The following ZBTB46 variants were observed in gnomAD, a reference collection of about 807,000 sequenced individuals.
ZBTB46 encodes the protein zinc finger and BTB domain containing 46.
Under a neutral mutation model 44.1 loss-of-function variants are expected in ZBTB46, and 8 were observed. The observed-to-expected ratio is 0.18, with a 90% CI of 0.11 to 0.33. The LOEUF (loss-of-function observed/expected upper bound fraction) is 0.33. ZBTB46 is among the 10% of genes least tolerant of loss of function. The pLI is 1.00. For synonymous variants in ZBTB46, 409 were observed against 382.3 expected (o/e 1.07, Z -0.81); for missense variants, 651 against 847.7 (o/e 0.77, Z 2.88).
In ZBTB46 at chr20:63,757,002, G is replaced by A. The variant is rs528953690; in HGVS notation, c.1223-4141C>T. Among the ~76,000 whole-genome samples the A allele has an allele frequency of 1.3e-3, 199 of 152,222 alleles. 1 individual carries two copies. Among genetic ancestry groups the A allele is most frequent in the Admixed American group, 3.1e-3 (47 of 15,300 alleles). ...CTGTTGGGCATGCCCTGGCGGGGAA[G>A]GGGGGCTTCTGGACCACAGGGTGTT... On this transcript the variant is annotated intron_variant, in intron 3 of 4. Coordinates refer to ENST00000245663, the MANE Select transcript of ZBTB46 (RefSeq NM_001369741.1).
At chr20:63,828,286 C>G (rs1412432117) in intron 1 of ZBTB46, among the ~76,000 whole-genome samples, 1 of 152,256 alleles carries the variant, frequency 6.6e-6, no homozygotes, top group African/African-American at 2.4e-5. Context: ...CCCCAGCACT[C>G]CGCACAAGTT....
intron 2 of ZBTB46, among the ~76,000 whole-genome samples, chr20:63,780,447 C>G (rs1365448745): frequency 6.6e-6 from 1 of 152,120 alleles, no homozygotes; most frequent in Admixed American, 6.6e-5. Context: ...AAAAAACCAA[C>G]TTGAATCATG....
chr20:63,797,197 C>T (rs952082413), intron 1 of ZBTB46, among the ~76,000 whole-genome samples: 1 of 147,544 alleles, frequency 6.8e-6, no homozygotes, highest in Non-Finnish European at 1.5e-5. Context: ...GTTCCCCACC[C>T]TGTGTCCAAG....
At chr20:63,764,054 G>A (rs1168553643) in intron 3 of ZBTB46, among the ~76,000 whole-genome samples, 4 of 151,218 alleles carry the variant, frequency 2.6e-5, no homozygotes, top group African/African-American at 4.9e-5. Context: ...CACCAGCCTC[G>A]ACCTCCTGGG....
Position 63,775,778 on chromosome 20 carries a change from G to C in ZBTB46, c.1122C>G (p.Leu374=), listed in dbSNP as rs994543290. 5 of 1,613,216 alleles carry C rather than the reference G, an allele frequency of 3.1e-6. No individual in the cohort carries two copies. The highest frequency in any genetic ancestry group is 3.4e-6 in the Non-Finnish European group (4 of 1,179,908). The change falls in exon 3 of 5, where the codon CTC becomes CTG. Residue 374 remains leucine (L), a synonymous_variant. Transcript: ENST00000245663. The stretch of plus-strand genomic sequence containing the variant: ...GCGACAGCAGGCTGTTCTTACTCAT[G>C]AGCGCCGCGCGCAGGTTGGCCACCG... ...ATAVANLRAA[L]MSKNSLLSLK... is the part of the protein sequence containing the mutation.
chr20:63,830,719 G>C (rs890450738), intron 1 of ZBTB46, among the ~76,000 whole-genome samples: 2 of 148,754 alleles, frequency 1.3e-5, no homozygotes, highest in African/African-American at 2.4e-5. Flanking sequence ...TTCCCCTCTC[G>C]GAGGTGCCGG....
At chr20:63,782,280 A>G (rs2092477369) in intron 2 of ZBTB46, among the ~76,000 whole-genome samples, 1 of 152,044 alleles carries the variant, frequency 6.6e-6, no homozygotes, top group Non-Finnish European at 1.5e-5. Flanking sequence ...TGAGTCCTGG[A>G]TGAGCCACGT....
rs2092084388 is a variant in ZBTB46, at chr20:63,745,935, A to G, written c.*995T>C. ...TCGAGTGAGAAAAATAATGCCAAAC[A>G]AAATAATTTTATGTAACTACCTCGA... On this transcript the variant is annotated 3_prime_UTR_variant, in exon 5 of 5. Transcript: ENST00000245663. 6.6e-6 allele frequency: 1 copy of G among 152,666 alleles called. No homozygotes were observed. Among genetic ancestry groups the G allele is most frequent in the African/African-American group, 2.4e-5 (1 of 41,478 alleles). The allele number at this position is 152,666 out of a possible 1,614,324, so 9.5% of individuals were successfully genotyped here.
intron 1 of ZBTB46, among the ~76,000 whole-genome samples, chr20:63,800,116 G>T (rs1291966457): frequency 6.6e-6 from 1 of 152,166 alleles, no homozygotes; most frequent in Non-Finnish European, 1.5e-5. Context: ...GCACAAGAAG[G>T]GGCTGCTGGG....
intron 1 of ZBTB46, among the ~76,000 whole-genome samples, chr20:63,800,743 T>G (rs998048637): frequency 6.6e-6 from 1 of 152,214 alleles, no homozygotes; most frequent in Non-Finnish European, 1.5e-5. Context: ...GCGCTGTGCT[T>G]GATTTCTCGC....
chr20:63,752,674 C>G lies in ZBTB46; in HGVS notation c.1398+12G>C. 6.4e-7 allele frequency: 1 copy of G among 1,557,472 alleles called. No individual in the cohort carries two copies. Among genetic ancestry groups the G allele is most frequent in the Non-Finnish European group, 8.7e-7 (1 of 1,153,558 alleles). On this transcript the variant is annotated intron_variant, in intron 4 of 4. Transcript: ENST00000245663. This position sits in a 1 kb window ranked among gnomAD's most constrained non-coding sequence, Gnocchi z 5.6. The stretch of plus-strand genomic sequence containing the variant: ...GCGCAGCGCGCGGCACGCGGACCCT[C>G]CCCGCACTCACCAGCGTGTGGCGCT...
intron 1 of ZBTB46, among the ~76,000 whole-genome samples, chr20:63,802,681 G>T (rs998624918): frequency 4.2e-5 from 6 of 143,434 alleles, no homozygotes; most frequent in African/African-American, 1.6e-4. Flanking sequence ...ACCCTCCCAG[G>T]AACCGCCGCG....
intron 1 of ZBTB46, among the ~76,000 whole-genome samples, chr20:63,817,368 G>A (rs1334253602): frequency 6.6e-6 from 1 of 151,680 alleles, no homozygotes; most frequent in East Asian, 1.9e-4. Context: ...TTGTGCCACT[G>A]TACTCCAGCC....
intron 3 of ZBTB46, among the ~76,000 whole-genome samples, chr20:63,755,044 A>AT (rs34070656): frequency 1.3e-5 from 2 of 152,180 alleles, no homozygotes; most frequent in Non-Finnish European, 2.9e-5. Context: ...GAAACCCTGT[A>AT]TTTTTTTACC....
intron 3 of ZBTB46, among the ~76,000 whole-genome samples, chr20:63,756,217 T>C (rs565270088): frequency 6.6e-6 from 1 of 152,358 alleles, no homozygotes; most frequent in South Asian, 2.1e-4. Context: ...GGACCTGTCC[T>C]AAATAGCCAC....
intron 1 of ZBTB46, among the ~76,000 whole-genome samples, chr20:63,817,486 G>A (rs1449435139): frequency 6.6e-6 from 1 of 151,924 alleles, no homozygotes; most frequent in East Asian, 1.9e-4. Context: ...AGGCCAAGGT[G>A]GGCGGATCAC....
intron 3 of ZBTB46, chr20:63,775,111 C>T (rs1290896491): frequency 6.6e-6 from 1 of 152,454 alleles, no homozygotes; most frequent in African/African-American, 2.4e-5. Context: ...GGCCACATCT[C>T]GGCAGGCGCG....
At position 63,767,071 on chromosome 20, in the gene ZBTB46, G is replaced by A. The variant is rs538311126; in HGVS notation, c.1222+8607C>T. The stretch of plus-strand genomic sequence containing the variant: ...TGAACCTAACACGTCCGACGAGGAC[G>A]GGCAAGGGCACCGCGGGGCGCTCTT... On this transcript the variant is annotated intron_variant, in intron 3 of 4. Transcript: ENST00000245663. The surrounding 1 kb of genome is among the most constrained non-coding windows in gnomAD (Gnocchi z 5.0). Among the ~76,000 whole-genome samples, 6 of 152,356 alleles carry A rather than the reference G, an allele frequency of 3.9e-5. No individual in the cohort carries two copies. The highest frequency in any genetic ancestry group is 2.1e-4 in the South Asian group (1 of 4,832).
At chr20:63,827,164 T>G (rs1322274541) in intron 1 of ZBTB46, among the ~76,000 whole-genome samples, 1 of 152,176 alleles carries the variant, frequency 6.6e-6, no homozygotes, top group Non-Finnish European at 1.5e-5. Context: ...CATCAGTGGT[T>G]TCTGCGTGCC....
Sources: gnomAD v4.1 joint callset for allele counts (sites outside exome capture counted in the v4.1 genomes callset) on GRCh38, gnomAD v4.1.1 for gene constraint, Gnocchi (gnomAD v3.1) non-coding constraint, MANE v1.5 for transcripts, NCBI Gene and HGNC (gene_info 2026-07-23, HGNC 2026-07-21) for gene names.